The following ANXA5 variants were observed in gnomAD, a reference collection of about 807,000 sequenced individuals.
ANXA5 encodes annexin A5, also known as CBP-I.
Under a neutral mutation model 48.1 loss-of-function variants are expected in ANXA5, and 40 were observed. The ratio of observed to expected loss-of-function variants is 0.83; its 90% CI spans 0.65 to 1.08. The LOEUF is 1.08. Ranked by LOEUF, ANXA5 falls within the 50% of genes least tolerant of loss-of-function variation. The pLI is 0.00. For missense variants in ANXA5, 357 were observed against 376.8 expected (o/e 0.95, Z 0.44); for synonymous variants, 113 against 129.1 (o/e 0.88, Z 0.85).
intron 9 of ANXA5, among the ~76,000 whole-genome samples, chr4:121,672,113 A>G (rs1724623360): frequency 6.6e-6 from 1 of 152,150 alleles, no homozygotes; most frequent in East Asian, 1.9e-4. Context: ...CTCTGGAAAA[A>G]AAGCCCAATT....
At chr4:121,688,022 C>A (rs892316569) in intron 2 of ANXA5, among the ~76,000 whole-genome samples, 11 of 152,102 alleles carry the variant, frequency 7.2e-5, no homozygotes, top group African/African-American at 2.7e-4. Flanking sequence ...GGAGGTAGAG[C>A]CTTTGCGAGA....
intron 7 of ANXA5, 79 bp downstream of exon 7, chr4:121,678,336 A>G (rs1198754580): frequency 1.8e-6 from 2 of 1,133,164 alleles, no homozygotes; most frequent in Non-Finnish European, 2.6e-6. Context: ...AAGAATTTTA[A>G]GTGACCTTAC....
intron 2 of ANXA5, among the ~76,000 whole-genome samples, chr4:121,694,712 C>T (rs757586345): frequency 6.6e-6 from 1 of 152,196 alleles, no homozygotes; most frequent in African/African-American, 2.4e-5. Context: ...AAATGTTTTA[C>T]TTTCATGATT....
At chr4:121,693,890 G>A (rs939924258) in intron 2 of ANXA5, among the ~76,000 whole-genome samples, 6 of 152,178 alleles carry the variant, frequency 3.9e-5, no homozygotes, top group African/African-American at 9.7e-5. Context: ...CCTCTGGAAG[G>A]AGTTTCATCT....
intron 9 of ANXA5, 110 bp from the exon 10 acceptor site, chr4:121,671,752 C>G (rs1191281175): frequency 1.4e-6 from 1 of 733,820 alleles, no homozygotes; most frequent in Non-Finnish European, 2.3e-6. Context: ...TCCCCTTCTT[C>G]CTTGCTGACA....
Position 121,696,627 on chromosome 4 carries a change from G to A in ANXA5, c.-35-3C>T. 1 of 1,384,762 alleles carries A rather than the reference G, an allele frequency of 7.2e-7. No individual in the cohort carries two copies. The highest frequency in any genetic ancestry group is 2.0e-5 in the South Asian group (1 of 50,654). 85.8% of individuals were successfully genotyped at this position (1,384,762 alleles called of 1,614,324 possible). A position where few individuals can be genotyped will look rare whatever the true frequency, so the allele number is the denominator to read the frequency against. ...GGTCAGGGGAAGGTGAAGCAGGACT[G>A]CAAAAGAGAAGAAACCTCGGGCTTA... On this transcript the variant is annotated splice_polypyrimidine_tract_variant and splice_region_variant and intron_variant, in intron 1 of 12. Transcript: ENST00000296511.
Position 121,691,624 on chromosome 4 carries a change from C to T in ANXA5, c.9+4957G>A, listed in dbSNP as rs1190338663. ...ACCACAAGCTGAGCAACTGCTAAGC[C>T]GCTATGCAGTGATTTTTAAGGGTGG... On this transcript the variant is annotated intron_variant, in intron 2 of 12. Coordinates refer to ENST00000296511, the MANE Select transcript of ANXA5 (RefSeq NM_001154.4). Among the ~76,000 whole-genome samples the T allele has an allele frequency of 3.9e-5, 6 of 151,996 alleles. No homozygotes were observed. The East Asian group carries it at 9.6e-4, about 24-fold the overall frequency.
At chr4:121,672,197 C>G (rs1248014598) in intron 9 of ANXA5, among the ~76,000 whole-genome samples, 1 of 152,172 alleles carries the variant, frequency 6.6e-6, no homozygotes, top group African/African-American at 2.4e-5. Context: ...GTGCTGATGA[C>G]TATCCAGAGA....
intron 8 of ANXA5, among the ~76,000 whole-genome samples, chr4:121,674,381 C>CT (rs1724663824): frequency 6.6e-6 from 1 of 151,978 alleles, no homozygotes. Flanking sequence ...AGAAAAGTTG[C>CT]TATTTAATAT....
intron 6 of ANXA5, among the ~76,000 whole-genome samples, chr4:121,678,766 A>G (rs1158079066): frequency 1.3e-5 from 2 of 152,218 alleles, no homozygotes; most frequent in African/African-American, 2.4e-5. Flanking sequence ...TCATTAATCT[A>G]TAGATACATG....
intron 6 of ANXA5, among the ~76,000 whole-genome samples, chr4:121,680,557 T>C (rs1724773911): frequency 1.3e-5 from 2 of 152,204 alleles, no homozygotes; most frequent in South Asian, 4.1e-4. Context: ...AGCTGTGTTA[T>C]GCACACCTTT....
At chr4:121,674,391 T>G (rs2110480854) in intron 8 of ANXA5, among the ~76,000 whole-genome samples, 1 of 152,158 alleles carries the variant, frequency 6.6e-6, no homozygotes, top group South Asian at 2.1e-4. Context: ...CTATTTAATA[T>G]CAATTTCCTG....
chr4:121,682,520 C>A (rs1724810880), intron 5 of ANXA5, among the ~76,000 whole-genome samples: 1 of 152,046 alleles, frequency 6.6e-6, no homozygotes, highest in African/African-American at 2.4e-5. Context: ...CATTCTCTGG[C>A]AGAATTTCAA....
At chr4:121,672,699 T>C in intron 8 of ANXA5, 73 bp from the exon 9 acceptor site, 4 of 1,060,142 alleles carry the variant, frequency 3.8e-6, no homozygotes, top group Non-Finnish European at 5.8e-6. Flanking sequence ...ACACTTGTTT[T>C]TTACTCCCTG....
intron 6 of ANXA5, 193 bp downstream of exon 6, chr4:121,681,478 G>A: frequency 6.3e-6 from 3 of 473,418 alleles, no homozygotes; most frequent in Non-Finnish European, 1.1e-5. Flanking sequence ...TATGAAAATA[G>A]TAGAGGATAA....
intron 12 of ANXA5, 109 bp from the exon 13 acceptor site, chr4:121,668,636 G>A: frequency 1.1e-6 from 1 of 891,204 alleles, no homozygotes; most frequent in Non-Finnish European, 1.8e-6. Context: ...TCTCCCAAGT[G>A]GGTAATCTCT....
At chr4:121,669,544 T>G in intron 12 of ANXA5, 58 bp downstream of exon 12, 5 of 1,596,494 alleles carry the variant, frequency 3.1e-6, no homozygotes, top group Non-Finnish European at 4.3e-6. Flanking sequence ...TTGTCTTTCA[T>G]GCAACATACC....
chr4:121,679,918 C>G (rs914063356), intron 6 of ANXA5, among the ~76,000 whole-genome samples: 1 of 152,104 alleles, frequency 6.6e-6, no homozygotes, highest in African/African-American at 2.4e-5. Flanking sequence ...ACTGTATTCA[C>G]AAATTTCAAG....
At chr4:121,668,649 G>A (rs2110477688) in intron 12 of ANXA5, 122 bp from the exon 13 acceptor site, 1 of 761,882 alleles carries the variant, frequency 1.3e-6, no homozygotes, top group African/African-American at 1.7e-5. Flanking sequence ...TAATCTCTGT[G>A]ACTTTCACAT....
Sources: gnomAD v4.1 joint callset for allele counts (sites outside exome capture counted in the v4.1 genomes callset) on GRCh38, gnomAD v4.1.1 for gene constraint, MANE v1.5 for transcripts, NCBI Gene and HGNC (gene_info 2026-07-23, HGNC 2026-07-21) for gene names.